The following PCDH11X variants were observed in gnomAD, a reference collection of about 807,000 sequenced individuals.
PCDH11X encodes protocadherin-11 X-linked.
A neutral mutation model predicts 53.3 loss-of-function variants in PCDH11X; 18 were observed. That is an observed-to-expected ratio of 0.34 (90% CI 0.23 to 0.50). The LOEUF is 0.50. Ranked by LOEUF, PCDH11X falls within the 20% of genes least tolerant of loss-of-function variation. The probability of loss-of-function intolerance (pLI) is 0.98; values close to 1 mark genes in which losing one functional copy is unlikely to be tolerated. For missense variants in PCDH11X, 570 were observed against 1,032.4 expected (o/e 0.55, Z 6.14); for synonymous variants, 279 against 393.3 (o/e 0.71, Z 3.44).
chrX:91,828,287 T>A (rs1473720537), intron 4 of PCDH11X, among the ~76,000 whole-genome samples: 2 of 109,256 alleles, frequency 1.8e-5, no homozygotes, highest in Non-Finnish European at 3.8e-5. Context: ...GCCCGGCTAA[T>A]TTTTTGTATT....
At chrX:91,881,122 G>T (rs1195126167) in intron 6 of PCDH11X, among the ~76,000 whole-genome samples, 1 of 110,050 alleles carries the variant, frequency 9.1e-6, no homozygotes, top group Non-Finnish European at 1.9e-5. Flanking sequence ...GAGCTAGACT[G>T]ATTTTACTTG....
At chrX:91,784,324 A>G (rs1476673653) in intron 1 of PCDH11X, among the ~76,000 whole-genome samples, 1 of 112,279 alleles carries the variant, frequency 8.9e-6, no homozygotes, top group Non-Finnish European at 1.9e-5. Context: ...AAGAGGACTA[A>G]TGAAAGAATA....
chrX:92,343,975 T>C (rs1349944907), intron 8 of PCDH11X, among the ~76,000 whole-genome samples: 4 of 110,539 alleles, frequency 3.6e-5, no homozygotes, highest in African/African-American at 1.3e-4. Flanking sequence ...TTTTTTTTTC[T>C]TGCCCCTGTC....
intron 6 of PCDH11X, among the ~76,000 whole-genome samples, chrX:92,126,245 T>C (rs1276688609): frequency 4.6e-4 from 51 of 112,013 alleles, no homozygotes; most frequent in Non-Finnish European, 9.0e-4. Context: ...TAAGCACATA[T>C]GCATTTATGT....
chrX:92,185,021 C>T (rs2066065372), intron 6 of PCDH11X, among the ~76,000 whole-genome samples: 1 of 111,606 alleles, frequency 9.0e-6, no homozygotes, highest in Non-Finnish European at 1.9e-5. Context: ...ATATCACCAC[C>T]TCAACATTCT....
intron 6 of PCDH11X, among the ~76,000 whole-genome samples, chrX:92,097,287 T>C (rs1157394875): frequency 2.8e-5 from 3 of 108,844 alleles, no homozygotes; most frequent in African/African-American, 1.0e-4. Flanking sequence ...TGGTGTGCAC[T>C]TGTGGTCCTA....
At chrX:91,940,108 G>T (rs2061490208) in intron 6 of PCDH11X, among the ~76,000 whole-genome samples, 1 of 110,179 alleles carries the variant, frequency 9.1e-6, no homozygotes, top group Non-Finnish European at 1.9e-5. Flanking sequence ...TATTGTCCTT[G>T]TGATAATGAG....
chrX:92,421,023 T>C (rs1315602491), intron 9 of PCDH11X, among the ~76,000 whole-genome samples: 1 of 112,003 alleles, frequency 8.9e-6, no homozygotes, highest in East Asian at 2.8e-4. Flanking sequence ...TGGATAATTG[T>C]TATTGATCTG....
intron 6 of PCDH11X, among the ~76,000 whole-genome samples, chrX:92,169,077 T>A (rs748727858): frequency 1.0e-3 from 113 of 108,026 alleles, no homozygotes; most frequent in African/African-American, 3.7e-3. Context: ...ATACAAATAC[T>A]TTCTCAAGAT....
intron 9 of PCDH11X, among the ~76,000 whole-genome samples, chrX:92,437,528 C>T (rs1440750373): frequency 9.1e-6 from 1 of 110,108 alleles, no homozygotes; most frequent in Non-Finnish European, 1.9e-5. Flanking sequence ...CATATGTCCC[C>T]TTCCTTCTCT....
At chrX:92,490,714 AAGAAAGAAAGAAAGAG>A (rs2073741631) in intron 10 of PCDH11X, among the ~76,000 whole-genome samples, 1 of 98,429 alleles carries the variant, frequency 1.0e-5, no homozygotes, top group Admixed American at 1.2e-4. Context: ...GAGAAAAAGA[AAGAAAGAAAGAAAGAG>A]AGAAAGAGAG....
At chrX:92,609,107 G>A (rs1453653171) in intron 10 of PCDH11X, among the ~76,000 whole-genome samples, 1 of 111,575 alleles carries the variant, frequency 9.0e-6, no homozygotes, top group Non-Finnish European at 1.9e-5. Context: ...TAGTATTTCA[G>A]TGTATGGCTA....
chrX:91,918,596 C>G (rs772283289), intron 6 of PCDH11X, among the ~76,000 whole-genome samples: 1 of 110,508 alleles, frequency 9.0e-6, no homozygotes, highest in Non-Finnish European at 1.9e-5. Flanking sequence ...AGACAGTGTA[C>G]TTGATCTAAA....
rs1190938243 is a variant in PCDH11X, at chrX:92,231,948, A to G, written c.3114+30493A>G. Among the ~76,000 whole-genome samples, 3 of 111,592 alleles carry G rather than the reference A, an allele frequency of 2.7e-5. No individual in the cohort carries two copies. The East Asian group carries it at 8.5e-4, about 32-fold the overall frequency. On this transcript the variant is annotated intron_variant, in intron 7 of 10. Coordinates refer to ENST00000682573, the MANE Select transcript of PCDH11X (RefSeq NM_032968.5). The stretch of plus-strand genomic sequence containing the variant: ...AACAGAGAAGGCTCACTTCATTCCA[A>G]TGTGACTATGTAGAGTAATTTCCAT...
chrX:92,260,252 C>A (rs1405946176), intron 7 of PCDH11X, among the ~76,000 whole-genome samples: 3 of 111,564 alleles, frequency 2.7e-5, no homozygotes, highest in Non-Finnish European at 5.6e-5. Context: ...GCGATGTTTG[C>A]AGGAACTGAA....
intron 8 of PCDH11X, among the ~76,000 whole-genome samples, chrX:92,365,795 G>A (rs1282922615): frequency 9.1e-6 from 1 of 109,795 alleles, no homozygotes; most frequent in African/African-American, 3.3e-5. Context: ...TTATTGATTT[G>A]CATATGTTGA....
intron 6 of PCDH11X, among the ~76,000 whole-genome samples, chrX:91,990,729 A>G (rs958936477): frequency 9.7e-6 from 1 of 103,487 alleles, no homozygotes; most frequent in Non-Finnish European, 2.0e-5. Flanking sequence ...ACTTACTGCT[A>G]GGTGGGGCTA....
At position 91,981,769 on chromosome X, in the gene PCDH11X, G is replaced by A. The variant is rs754983688; in HGVS notation, c.3033+102496G>A. On this transcript the variant is annotated intron_variant, in intron 6 of 10. Transcript: ENST00000682573. ...CAGGCAAAAAGAGAGCTTGTGCAGG[G>A]TAACTCCTGTTGTTGTTGTTGTTTT... Among the ~76,000 whole-genome samples the A allele has an allele frequency of 5.0e-3, 533 of 107,599 alleles. 2 individuals carry two copies. The highest frequency in any genetic ancestry group is 8.6e-3 in the Non-Finnish European group (450 of 52,074). The allele number at this position is 107,599 out of a possible 115,157, so 93.4% of individuals were successfully genotyped here.
At chrX:92,523,137 C>T (rs189623134) in intron 10 of PCDH11X, among the ~76,000 whole-genome samples, 10 of 111,983 alleles carry the variant, frequency 8.9e-5, no homozygotes, top group African/African-American at 2.9e-4. Flanking sequence ...AACATCAAAG[C>T]GACAGGCAAT....
Sources: allele counts gnomAD v4.1 joint callset (sites outside exome capture counted in the v4.1 genomes callset), GRCh38; gene constraint gnomAD v4.1.1; transcripts MANE v1.5; gene names NCBI Gene and HGNC (gene_info 2026-07-23, HGNC 2026-07-21).